FAM171A1: variants seen among roughly 807,000 people sequenced by gnomAD.
FAM171A1 encodes family with sequence similarity 171 member A1, also known as protein FAM171A1.
FAM171A1 carries 23 observed loss-of-function variants against 74.9 expected under a neutral mutation model. The observed-to-expected ratio is 0.31, with a 90% CI of 0.22 to 0.44. FAM171A1 has a LOEUF of 0.44. Among genes scored for constraint, FAM171A1 ranks in the 20% least tolerant of loss-of-function variants. The pLI is 1.00. For synonymous variants in FAM171A1, 527 were observed against 505.7 expected (o/e 1.04, Z -0.57); for missense variants, 1,162 against 1,159.2 (o/e 1.00, Z -0.03).
chr10:15,285,672 T>G (rs533266749), intron 1 of FAM171A1, among the ~76,000 whole-genome samples: 1 of 152,230 alleles, frequency 6.6e-6, no homozygotes, highest in Non-Finnish European at 1.5e-5. Flanking sequence ...CCTGGTCACT[T>G]GCAGGCACCA....
At chr10:15,278,382 G>GCAATTCCA (rs1329397142) in intron 2 of FAM171A1, among the ~76,000 whole-genome samples, 1 of 152,162 alleles carries the variant, frequency 6.6e-6, no homozygotes, top group African/African-American at 2.4e-5. Flanking sequence ...CCAGGATGCA[G>GCAATTCCA]CAATTCCACT....
At chr10:15,297,216 G>T (rs966431189) in intron 1 of FAM171A1, among the ~76,000 whole-genome samples, 1 of 151,776 alleles carries the variant, frequency 6.6e-6, no homozygotes, top group Non-Finnish European at 1.5e-5. Context: ...ACACCACCAC[G>T]CCTGGTTAAT....
intron 1 of FAM171A1, among the ~76,000 whole-genome samples, chr10:15,296,378 T>C (rs977467949): frequency 2.6e-5 from 4 of 152,226 alleles, no homozygotes; most frequent in East Asian, 1.9e-4. Flanking sequence ...TCATATACTT[T>C]ATTAATCTAT....
At chr10:15,288,206 A>C (rs1835061128) in intron 1 of FAM171A1, among the ~76,000 whole-genome samples, 4 of 152,272 alleles carry the variant, frequency 2.6e-5, no homozygotes, top group Admixed American at 2.6e-4. Flanking sequence ...TGCAATTGCA[A>C]ATGGTGCTGC....
At chr10:15,267,095 C>T (rs1588522000) in intron 3 of FAM171A1, among the ~76,000 whole-genome samples, 1 of 152,146 alleles carries the variant, frequency 6.6e-6, no homozygotes, top group East Asian at 1.9e-4. Flanking sequence ...CGAAATCTGG[C>T]TCCAATCCTA....
chr10:15,316,469 CG>C (rs908390870), intron 1 of FAM171A1, among the ~76,000 whole-genome samples: 1 of 152,194 alleles, frequency 6.6e-6, no homozygotes, highest in African/African-American at 2.4e-5. Context: ...GAGCATTCCT[CG>C]GGGTGAGTCC....
In FAM171A1 at chr10:15,212,431, C is replaced by T. The variant is rs144413973; in HGVS notation, c.*484G>A. On this transcript the variant is annotated 3_prime_UTR_variant, in exon 8 of 8. Coordinates refer to ENST00000378116, the MANE Select transcript of FAM171A1 (RefSeq NM_001010924.2). ...GCAAAATCTAAGCAAAATCAGACAA[C>T]GAAGCAGCGATGCATAGCTTTCCTT... 1.5e-4 allele frequency: 24 copies of T among 158,832 alleles called. No homozygotes were observed. Among genetic ancestry groups the T allele is most frequent in the Middle Eastern group, 3.3e-3 (1 of 300 alleles). The allele number at this position is 158,832 out of a possible 1,614,324, so 9.8% of individuals were successfully genotyped here.
intron 1 of FAM171A1, among the ~76,000 whole-genome samples, chr10:15,292,751 G>T (rs554531709): frequency 2.6e-5 from 4 of 152,184 alleles, no homozygotes; most frequent in African/African-American, 9.6e-5. Flanking sequence ...CTCCCAACAT[G>T]CTGGGATTAC....
chr10:15,352,071 AAAAATAC>A (rs1835886685), intron 1 of FAM171A1, among the ~76,000 whole-genome samples: 15 of 10,034 alleles, frequency 1.5e-3, no homozygotes, highest in African/African-American at 2.0e-3. Context: ...TTTTTTTTGT[AAAAATAC>A]AAAAAAAAAA....
At chr10:15,339,100 A>G (rs1295656188) in intron 1 of FAM171A1, among the ~76,000 whole-genome samples, 2 of 152,192 alleles carry the variant, frequency 1.3e-5, no homozygotes, top group African/African-American at 4.8e-5. Context: ...AAATGACTCA[A>G]TTTTAAAATA....
chr10:15,268,051 A>G (rs1196191275), intron 3 of FAM171A1, among the ~76,000 whole-genome samples: 3 of 152,164 alleles, frequency 2.0e-5, no homozygotes, highest in African/African-American at 7.2e-5. Context: ...CTGGCAGAAG[A>G]AGGGGTGCAG....
chr10:15,219,990 C>A (rs1239949256), intron 6 of FAM171A1, among the ~76,000 whole-genome samples: 1 of 152,204 alleles, frequency 6.6e-6, no homozygotes, highest in Admixed American at 6.5e-5. Context: ...AGACCTCCAT[C>A]AAATCAGTTA....
intron 5 of FAM171A1, chr10:15,240,893 A>G (rs1357953325): frequency 4.6e-5 from 9 of 195,548 alleles, no homozygotes; most frequent in Non-Finnish European, 9.3e-6. Context: ...AAAATTTACA[A>G]ATTAGCTGGG....
At chr10:15,253,199 T>G (rs762610021) in intron 4 of FAM171A1, among the ~76,000 whole-genome samples, 7 of 152,042 alleles carry the variant, frequency 4.6e-5, no homozygotes, top group Non-Finnish European at 1.0e-4. Context: ...ACGCAGCATT[T>G]CATCATGTTG....
chr10:15,248,396 G>C (rs916902746), intron 5 of FAM171A1, among the ~76,000 whole-genome samples: 17 of 152,112 alleles, frequency 1.1e-4, no homozygotes, highest in Admixed American at 1.3e-4. Flanking sequence ...TTCTTTTCAA[G>C]TAAATTAGGT....
chr10:15,306,434 G>C (rs1835296056), intron 1 of FAM171A1, among the ~76,000 whole-genome samples: 1 of 151,116 alleles, frequency 6.6e-6, no homozygotes, highest in African/African-American at 2.4e-5. Flanking sequence ...GCACAATCTT[G>C]ACTCACTGCC....
At chr10:15,240,607 T>C (rs1048827618) in intron 5 of FAM171A1, among the ~76,000 whole-genome samples, 4 of 152,182 alleles carry the variant, frequency 2.6e-5, no homozygotes, top group Admixed American at 6.5e-5. Flanking sequence ...GCATCAAAAA[T>C]TGATCCCACT....
intron 3 of FAM171A1, among the ~76,000 whole-genome samples, chr10:15,259,456 A>G (rs1209484385): frequency 6.6e-6 from 1 of 152,208 alleles, no homozygotes; most frequent in East Asian, 1.9e-4. Context: ...ATGACAAAAA[A>G]AACAACAAAA....
intron 2 of FAM171A1, among the ~76,000 whole-genome samples, chr10:15,280,006 G>C (rs1834946598): frequency 6.6e-6 from 1 of 152,202 alleles, no homozygotes; most frequent in African/African-American, 2.4e-5. Context: ...AGAATTGCTT[G>C]AACCTTGGAG....
Sources: allele counts gnomAD v4.1 joint callset (sites outside exome capture counted in the v4.1 genomes callset), GRCh38; gene constraint gnomAD v4.1.1; transcripts MANE v1.5; gene names NCBI Gene and HGNC (gene_info 2026-07-23, HGNC 2026-07-21).